The following RAP2A variants were observed in gnomAD, a reference collection of about 807,000 sequenced individuals.
The protein encoded by RAP2A is ras-related protein Rap-2a.
Under a neutral mutation model 15.1 loss-of-function variants are expected in RAP2A, and 5 were observed. The ratio of observed to expected loss-of-function variants is 0.33; its 90% CI spans 0.17 to 0.70. The LOEUF (loss-of-function observed/expected upper bound fraction) is 0.70, where lower values mean the gene tolerates loss of function less well. Ranked by LOEUF, RAP2A falls within the 30% of genes least tolerant of loss-of-function variation. The pLI, the probability that RAP2A is intolerant of heterozygous loss-of-function variation, is 0.68. For synonymous variants in RAP2A, 110 were observed against 99.7 expected, an observed-to-expected ratio of 1.10 and a Z score of -0.62; for missense variants, 111 against 240.3, an observed-to-expected ratio of 0.46 and a Z score of 3.56.
intron 1 of RAP2A, among the ~76,000 whole-genome samples, chr13:97,454,237 G>A (rs919814321): frequency 3.3e-5 from 5 of 150,896 alleles, no homozygotes; most frequent in African/African-American, 4.9e-5. Flanking sequence ...CTTCTTGATA[G>A]CATGGATGTA....
chr13:97,458,567 T>G (rs1437270498), intron 1 of RAP2A, among the ~76,000 whole-genome samples: 1 of 152,168 alleles, frequency 6.6e-6, no homozygotes, highest in Admixed American at 6.5e-5. Flanking sequence ...CTTCAGAGCT[T>G]ATAGATATAG....
In RAP2A at chr13:97,434,382, G is replaced by T; in HGVS notation, c.-89G>T. The T allele has an allele frequency of 5.1e-6, 5 of 982,516 alleles. No homozygotes were observed. The South Asian group carries it at 2.3e-4, about 45-fold the overall frequency. The allele number at this position is 982,516 out of a possible 1,614,324, so 60.9% of individuals were successfully genotyped here. A position where few individuals can be genotyped will look rare whatever the true frequency, so the allele number is the denominator to read the frequency against. On this transcript the variant is annotated 5_prime_UTR_variant, in exon 1 of 2. Coordinates refer to ENST00000245304, the MANE Select transcript of RAP2A (RefSeq NM_021033.7). ...GGGCGGCAGCGGGAGGCGGCGGGGC[G>T]GGCCGCCGGGGCCGGGGCTGGGGGC...
intron 1 of RAP2A, among the ~76,000 whole-genome samples, chr13:97,444,866 G>A (rs963572085): frequency 3.3e-5 from 5 of 152,070 alleles, no homozygotes; most frequent in Admixed American, 1.3e-4. Context: ...ATATGTCTTA[G>A]TCTCTTCAGG....
chr13:97,441,758 T>C lies in RAP2A; in HGVS notation c.314+6974T>C, dbSNP rs764639967. The C allele has an allele frequency of 1.1e-3, 482 of 451,464 alleles. 10 individuals carry two copies. The highest frequency in any genetic ancestry group is 6.7e-3 in the South Asian group (427 of 63,470). The allele number at this position is 451,464 out of a possible 1,614,324, so 28.0% of individuals were successfully genotyped here. On this transcript the variant is annotated intron_variant, in intron 1 of 1. Coordinates refer to ENST00000245304, the MANE Select transcript of RAP2A (RefSeq NM_021033.7). ...TACCTACTGTTTTTTTACACACTTA[T>C]ATTTTTCAGGCCTATGTTGTAAAAA...
At chr13:97,462,581 C>T (rs955425608) in intron 1 of RAP2A, among the ~76,000 whole-genome samples, 7 of 152,252 alleles carry the variant, frequency 4.6e-5, no homozygotes, top group East Asian at 1.9e-4. Context: ...GGCCCGAAAT[C>T]GTAAGGTACA....
rs2066760740 is a variant in RAP2A, at chr13:97,464,348, T to C, written c.458T>C (p.Val153Ala). 1 of 1,614,058 alleles carries C rather than the reference T, an allele frequency of 6.2e-7. No individual in the cohort carries two copies. Among genetic ancestry groups the C allele is most frequent in the African/African-American group, 1.3e-5 (1 of 74,916 alleles). The change falls in exon 2 of 2, where the codon GTG (valine) becomes GCG (alanine). Residue 153 changes from valine (V) to alanine (A), a missense_variant. Physicochemically the swap from Val to Ala is moderately conservative, Grantham distance 64. Coordinates refer to ENST00000245304, the MANE Select transcript of RAP2A (RefSeq NM_021033.7). ...ACTTCCGCTAAGAGTAAAACAATGG[T>C]GGACGAACTCTTTGCAGAAATTGTG... The part of the protein sequence containing the change: ...METSAKSKTM[V>A]DELFAEIVRQ...
chr13:97,451,241 GTT>G (rs200549870), intron 1 of RAP2A, among the ~76,000 whole-genome samples: 3 of 150,254 alleles, frequency 2.0e-5, no homozygotes, highest in African/African-American at 7.3e-5. Flanking sequence ...GATTTTTTTT[GTT>G]TTTTTTTATT....
chr13:97,447,942 A>G (rs976745631), intron 1 of RAP2A, among the ~76,000 whole-genome samples: 1 of 151,818 alleles, frequency 6.6e-6, no homozygotes, highest in African/African-American at 2.4e-5. Context: ...CTTTAGCTCA[A>G]AACTCCTTAT....
rs1329135424 is a variant in RAP2A at position 97,465,790 on chromosome 13, C to G, written c.*1348C>G. 1 of 152,128 alleles carries G rather than the reference C, an allele frequency of 6.6e-6. No homozygotes were observed. The highest frequency in any genetic ancestry group is 2.4e-5 in the African/African-American group (1 of 41,428). 9.4% of individuals were successfully genotyped at this position (152,128 alleles called of 1,614,324 possible). A position where few individuals can be genotyped will look rare whatever the true frequency, so the allele number is the denominator to read the frequency against. On this transcript the variant is annotated 3_prime_UTR_variant, in exon 2 of 2. Coordinates refer to ENST00000245304, the MANE Select transcript of RAP2A (RefSeq NM_021033.7). ...ACTAATGGCACAGGAAAAACCTATT[C>G]ATAAGTTTTACAATCAAGTATAGAG...
intron 1 of RAP2A, among the ~76,000 whole-genome samples, chr13:97,456,387 T>TAA (rs1373711889): frequency 6.6e-6 from 1 of 152,088 alleles, no homozygotes; most frequent in Non-Finnish European, 1.5e-5. Context: ...AGTTCTTTGG[T>TAA]AATTGTTTTT....
Position 97,453,387 on chromosome 13 carries a change from C to T in RAP2A, c.315-10818C>T, listed in dbSNP as rs376897403. Among the ~76,000 whole-genome samples the T allele has an allele frequency of 8.6e-5, 13 of 151,246 alleles. 1 individual carries two copies. Among genetic ancestry groups the T allele is most frequent in the African/African-American group, 3.2e-4 (13 of 41,026 alleles). ...TCCCCTCCTTCCTTCCATTCCCCTT[C>T]CCCATCCTTAGTCCCTGCCAACCAT... On this transcript the variant is annotated intron_variant, in intron 1 of 1. Transcript: ENST00000245304.
At chr13:97,437,457 T>C (rs1330285399) in intron 1 of RAP2A, 3 of 152,208 alleles carry the variant, frequency 2.0e-5, no homozygotes, top group African/African-American at 7.2e-5. Flanking sequence ...CCAGAGTCCT[T>C]GTTAGAATTA....
At chr13:97,446,913 T>C (rs1415732014) in intron 1 of RAP2A, among the ~76,000 whole-genome samples, 1 of 152,228 alleles carries the variant, frequency 6.6e-6, no homozygotes, top group Non-Finnish European at 1.5e-5. Flanking sequence ...CACAGCATCA[T>C]GCAATATAGT....
chr13:97,448,953 C>T (rs940240106), intron 1 of RAP2A, among the ~76,000 whole-genome samples: 2 of 152,084 alleles, frequency 1.3e-5, no homozygotes, highest in African/African-American at 4.8e-5. Context: ...TGCACAGATG[C>T]AGTGAGCCAT....
chr13:97,453,268 CTG>C (rs1044896776), intron 1 of RAP2A, among the ~76,000 whole-genome samples: 2 of 151,244 alleles, frequency 1.3e-5, no homozygotes, highest in Admixed American at 1.3e-4. Flanking sequence ...TCTTGCAAAA[CTG>C]TAGTACAATA....
intron 1 of RAP2A, among the ~76,000 whole-genome samples, chr13:97,439,328 G>T (rs1183915899): frequency 6.6e-6 from 1 of 152,176 alleles, no homozygotes; most frequent in Non-Finnish European, 1.5e-5. Context: ...ATAACAGGAA[G>T]AATAGTCATA....
At chr13:97,441,909 T>G (rs1356964341) in intron 1 of RAP2A, 1 of 254,416 alleles carries the variant, frequency 3.9e-6, no homozygotes, top group African/African-American at 2.3e-5. Context: ...TGTGTTTATG[T>G]AGGAAATTTA....
chr13:97,456,036 A>G (rs922709062), intron 1 of RAP2A, among the ~76,000 whole-genome samples: 1 of 150,956 alleles, frequency 6.6e-6, no homozygotes, highest in African/African-American at 2.4e-5. Context: ...CTAGCCAGAA[A>G]GACAGATTTC....
rs2066770406 is a variant in RAP2A at position 97,466,186 on chromosome 13, A to T, written c.*1744A>T. 6.6e-6 allele frequency: 1 copy of T among 151,920 alleles called. No homozygotes were observed. The highest frequency in any genetic ancestry group is 1.5e-5 in the Non-Finnish European group (1 of 67,978). 9.4% of individuals were successfully genotyped at this position (151,920 alleles called of 1,614,324 possible). On this transcript the variant is annotated 3_prime_UTR_variant, in exon 2 of 2. Transcript: ENST00000245304. ...ATTGGTAGCCCCCCAAGTGTTTAAT[A>T]ACTGGCATTAAGCTTAGAGGGTGAA...
Sources: gnomAD v4.1 joint callset for allele counts (sites outside exome capture counted in the v4.1 genomes callset) on GRCh38, gnomAD v4.1.1 for gene constraint, MANE v1.5 for transcripts, NCBI Gene and HGNC (gene_info 2026-07-23, HGNC 2026-07-21) for gene names.